The following DHX37 variants were observed in gnomAD, a reference collection of about 807,000 sequenced individuals.
The protein encoded by DHX37 is DEAH-box helicase 37, also known as probable ATP-dependent RNA helicase DHX37.
Under a neutral mutation model 134.3 loss-of-function variants are expected in DHX37, and 52 were observed. That is an observed-to-expected ratio of 0.39 (90% confidence interval 0.31 to 0.49). The LOEUF is 0.49. Among genes scored for constraint, DHX37 ranks in the 20% least tolerant of loss-of-function variants. DHX37 has a pLI of 0.93. For missense variants in DHX37, 1,344 were observed against 1,580.8 expected (o/e 0.85, Z 2.54); for synonymous variants, 634 against 670.7 (o/e 0.95, Z 0.85).
At chr12:124,975,910 G>C (rs903764062) in intron 5 of DHX37, among the ~76,000 whole-genome samples, 1 of 152,202 alleles carries the variant, frequency 6.6e-6, no homozygotes, top group African/African-American at 2.4e-5. Context: ...TGCTGACGGG[G>C]CTGGCCCTCG....
rs1435746970 is a variant in DHX37 at position 124,984,457 on chromosome 12, CG to C, written c.276+1638del. Among the ~76,000 whole-genome samples, 5 of 152,094 alleles carry C rather than the reference CG, an allele frequency of 3.3e-5. No individual in the cohort carries two copies. In the South Asian group the frequency reaches 1.0e-3, roughly 32 times the overall value. On this transcript the variant is annotated intron_variant, in intron 2 of 26. Coordinates refer to ENST00000308736, the MANE Select transcript of DHX37 (RefSeq NM_032656.4). The stretch of plus-strand genomic sequence containing the variant: ...CTGAGGCAGGAGAATCACTTGAACC[CG>C]GGAGGTGGAGGTTGCGGTGCGCCGA...
Position 124,956,819 on chromosome 12 carries a change from C to T in DHX37, c.2325G>A (p.Met775Ile). 1 of 1,611,500 alleles carries T rather than the reference C, an allele frequency of 6.2e-7. No homozygotes were observed. Among genetic ancestry groups the T allele is most frequent in the Non-Finnish European group, 8.5e-7 (1 of 1,178,120 alleles). The change falls in exon 18 of 27, where the codon ATG becomes ATA. Residue 775 changes from methionine to isoleucine, a missense_variant. Physicochemically the swap from Met to Ile is conservative, Grantham distance 10. Coordinates refer to ENST00000308736, the MANE Select transcript of DHX37 (RefSeq NM_032656.4). The part of the protein sequence containing the change: ...SCPITALGRT[M>I]ATFPVAPRYA... ...AGCGGGGTGCCACGGGGAATGTGGCCATTGTCCGGCCCAGCGCAGTGATGG... is the reference window on the plus strand; with the variant it reads ...AGCGGGGTGCCACGGGGAATGTGGCTATTGTCCGGCCCAGCGCAGTGATGG...
intron 25 of DHX37, chr12:124,948,661 A>G (rs1953917212): frequency 1.2e-5 from 2 of 172,874 alleles, no homozygotes; most frequent in Non-Finnish European, 2.5e-5. Flanking sequence ...AGGCAGGAGA[A>G]TCACTTGAAC....
rs562983719 is a variant in DHX37 at position 124,965,906 on chromosome 12, C to G, written c.1591-94G>C. 94 of 1,509,994 alleles carry G rather than the reference C, an allele frequency of 6.2e-5. No homozygotes were observed. The South Asian group carries it at 1.1e-3, about 18-fold the overall frequency. The allele number at this position is 1,509,994 out of a possible 1,614,324, so 93.5% of individuals were successfully genotyped here. A position where few individuals can be genotyped will look rare whatever the true frequency, so the allele number is the denominator to read the frequency against. The stretch of plus-strand genomic sequence containing the variant: ...AAGACAGGTGCCCTCGCATGGAAGC[C>G]CCGGTCCACACCCATGGGCCATGCA... On this transcript the variant is annotated intron_variant, in intron 12 of 26. Transcript: ENST00000308736.
At chr12:124,975,300 G>C (rs544424676) in intron 6 of DHX37, 119 bp downstream of exon 6, 583 of 1,000,336 alleles carry the variant, frequency 5.8e-4, no homozygotes, top group Non-Finnish European at 8.5e-4. Context: ...TACATGCAGA[G>C]GTGACACTCC....
At chr12:124,962,479 A>AC (rs1442423267) in intron 15 of DHX37, among the ~76,000 whole-genome samples, 2 of 151,806 alleles carry the variant, frequency 1.3e-5, no homozygotes, top group Non-Finnish European at 2.9e-5. Flanking sequence ...AACATGGTGA[A>AC]CCCCCATCTC....
rs150255577 is a variant in DHX37 at position 124,968,678 on chromosome 12, T to TGG, written c.1294-32_1294-31dup. On this transcript the variant is annotated intron_variant, in intron 9 of 26. Coordinates refer to ENST00000308736, the MANE Select transcript of DHX37 (RefSeq NM_032656.4). ...GGGACGCCCAGGAAGGCATGGGGAG[T>TGG]GGGGGGGACACGAGCTTCGGCCCAG... 14 of 1,607,946 alleles carry TGG rather than the reference T, an allele frequency of 8.7e-6. No homozygotes were observed. In the African/African-American group the frequency reaches 9.4e-5, roughly 11 times the overall value.
chr12:124,953,604 A>C, intron 20 of DHX37: 2 of 458,336 alleles, frequency 4.4e-6, no homozygotes, highest in East Asian at 4.7e-5. Context: ...CGGTGATGGA[A>C]AATGGCAGGG....
chr12:124,976,659 C>T (rs1294213210), intron 5 of DHX37, among the ~76,000 whole-genome samples: 1 of 152,050 alleles, frequency 6.6e-6, no homozygotes, highest in Admixed American at 6.6e-5. Flanking sequence ...GAAACCCCGT[C>T]TCTACTAAAA....
rs371881147 is a variant in DHX37 at position 124,954,165 on chromosome 12, C to A, written c.2500G>T (p.Ala834Ser). 6.2e-7 allele frequency: 1 copy of A among 1,611,942 alleles called. No homozygotes were observed. Among genetic ancestry groups the A allele is most frequent in the Non-Finnish European group, 8.5e-7 (1 of 1,179,170 alleles). ...GTCCTCTTCATCTGGGCCACCCGGG[C>A]CCGCTTGCTCTTCAGCCTGGTGAGC... is the stretch of plus-strand genomic sequence containing the variant. ...EELTRLKSKR[A>S]RVAQMKRTWA... Residue 834 changes from alanine (A) to serine (S), a missense_variant, in exon 19 of 27, where the codon GCC becomes TCC. Around this residue, in one of 7 missense-constraint regions of DHX37, gnomAD observed 558 missense variants for 650.0 expected, o/e 0.86. Transcript: ENST00000308736.
intron 18 of DHX37, among the ~76,000 whole-genome samples, chr12:124,955,286 G>A (rs1374514583): frequency 6.6e-6 from 1 of 152,238 alleles, no homozygotes; most frequent in African/African-American, 2.4e-5. Context: ...CAAGTAGGCA[G>A]AGGAGGTGTG....
chr12:124,966,944 T>A, intron 11 of DHX37, 66 bp from the exon 12 acceptor site: 1 of 1,601,812 alleles, frequency 6.2e-7, no homozygotes, highest in Non-Finnish European at 8.6e-7. Flanking sequence ...ACACTGCCCT[T>A]TGTTGTTCAA....
At position 124,980,875 on chromosome 12, in the gene DHX37, C is replaced by T; in HGVS notation, c.390-37G>A. The T allele has an allele frequency of 6.5e-7, 1 of 1,535,292 alleles. No homozygotes were observed. ...GCAGAGACTTCAGGCACAGAGGCCC[C>T]ACCTCAATCCCAGAGGTCAGGACTC... is the stretch of plus-strand genomic sequence containing the variant. On this transcript the variant is annotated intron_variant, in intron 3 of 26. Coordinates refer to ENST00000308736, the MANE Select transcript of DHX37 (RefSeq NM_032656.4). The surrounding 1 kb of genome is among the most constrained non-coding windows in gnomAD (Gnocchi z 5.3).
At position 124,965,685 on chromosome 12, in the gene DHX37, T is replaced by A. The variant is rs750858859; in HGVS notation, c.1718A>T (p.Asp573Val). 21 of 1,608,510 alleles carry A rather than the reference T, an allele frequency of 1.3e-5. No individual in the cohort carries two copies. The Middle Eastern group carries it at 6.6e-4, about 51-fold the overall frequency. Residue 573 changes from aspartate (D) to valine (V), a missense_variant, in exon 13 of 27, where the codon GAT (aspartate) becomes GTT (valine). Physicochemically the swap from Asp to Val is radical, Grantham distance 152. Coordinates refer to ENST00000308736, the MANE Select transcript of DHX37 (RefSeq NM_032656.4). ...LDSDLDLDLG[D>V]GGQDGGEQPD... Reference sequence around the variant, plus strand: ...GGCCACACCTCCATCTTGCCCGCCATCCCCCAGGTCCAGATCGAGGTCGGA... The same window carrying A: ...GGCCACACCTCCATCTTGCCCGCCAACCCCCAGGTCCAGATCGAGGTCGGA...
At chr12:124,958,767 A>G (rs1954158058) in intron 16 of DHX37, among the ~76,000 whole-genome samples, 1 of 151,026 alleles carries the variant, frequency 6.6e-6, no homozygotes, top group Admixed American at 6.6e-5. Context: ...CTGGAACTAC[A>G]GGTGCCCACC....
At chr12:124,987,945 G>T (rs980708945) in intron 1 of DHX37, among the ~76,000 whole-genome samples, 3 of 149,742 alleles carry the variant, frequency 2.0e-5, no homozygotes, top group African/African-American at 7.4e-5. Flanking sequence ...AAGGCACAGA[G>T]ATGTTAGGGG....
rs758042155 is a variant in DHX37 at position 124,965,698 on chromosome 12, G to A, written c.1705C>T (p.Leu569=). 4.3e-6 allele frequency: 7 copies of A among 1,613,534 alleles called. No individual in the cohort carries two copies. The South Asian group carries it at 7.7e-5, about 18-fold the overall frequency. Residue 569 remains leucine (L), a synonymous_variant, in exon 13 of 27, where the codon CTG becomes TTG. Coordinates refer to ENST00000308736, the MANE Select transcript of DHX37 (RefSeq NM_032656.4). ...EEGALDSDLD[L]DLGDGGQDGG... ...TCTTGCCCGCCATCCCCCAGGTCCA[G>A]ATCGAGGTCGGAGTCCAGGGCCCCC...
At chr12:124,984,799 T>C (rs939546024) in intron 2 of DHX37, among the ~76,000 whole-genome samples, 1 of 152,088 alleles carries the variant, frequency 6.6e-6, no homozygotes, top group African/African-American at 2.4e-5. Context: ...GTATAGTGGG[T>C]TAAATGGCAG....
At chr12:124,976,842 A>AATG (rs140248777) in intron 5 of DHX37, among the ~76,000 whole-genome samples, 13,600 of 148,468 alleles carry the variant, frequency 0.092, 725 homozygotes, top group East Asian at 0.13. Flanking sequence ...AAATAATAAT[A>AATG]ATAAAAAGAA....
Sources: allele counts gnomAD v4.1 joint callset (sites outside exome capture counted in the v4.1 genomes callset), GRCh38; gene constraint gnomAD v4.1.1; regional missense constraint gnomAD v4.1.1; non-coding constraint Gnocchi (gnomAD v3.1); transcripts MANE v1.5; gene names NCBI Gene and HGNC (gene_info 2026-07-23, HGNC 2026-07-21).